The following TBC1D19 variants were observed in gnomAD, a reference collection of about 807,000 sequenced individuals.
TBC1D19 encodes TBC1 domain family, member 19.
In TBC1D19, 60 loss-of-function variants were observed where a neutral mutation model predicts 89.0. The ratio of observed to expected loss-of-function variants is 0.67; its 90% confidence interval spans 0.55 to 0.84. The LOEUF is 0.84. Ranked by LOEUF, TBC1D19 falls within the 40% of genes least tolerant of loss-of-function variation. TBC1D19 has a pLI of 0.00. For synonymous variants in TBC1D19, 189 were observed against 199.7 expected (o/e 0.95, Z 0.45); for missense variants, 500 against 610.8 (o/e 0.82, Z 1.91).
chr4:26,663,232 A>G (rs1745321572), intron 8 of TBC1D19, among the ~76,000 whole-genome samples: 2 of 152,222 alleles, frequency 1.3e-5, no homozygotes, highest in Non-Finnish European at 2.9e-5. Flanking sequence ...AACAGTGTGG[A>G]AAAAAGTATA....
chr4:26,667,296 A>G (rs1481201808), intron 9 of TBC1D19, among the ~76,000 whole-genome samples: 1 of 152,054 alleles, frequency 6.6e-6, no homozygotes, highest in Non-Finnish European at 1.5e-5. Context: ...ATTTTTACAA[A>G]TTGAATACAC....
intron 13 of TBC1D19, among the ~76,000 whole-genome samples, chr4:26,691,359 A>T (rs1714269048): frequency 6.6e-6 from 1 of 152,216 alleles, no homozygotes; most frequent in Non-Finnish European, 1.5e-5. Context: ...AAGCGAATTG[A>T]CTCCAATTTT....
rs1428222115 is a variant in TBC1D19, at chr4:26,628,403, G to GT, written c.294+7721dup. ...TTGTTTCCATGTGAACTTTAAAGTA[G>GT]TTTTTTCCAGTTCTGTGAAGAAAGT... On this transcript the variant is annotated intron_variant, in intron 4 of 20. Coordinates refer to ENST00000264866, the MANE Select transcript of TBC1D19 (RefSeq NM_018317.4). Among the ~76,000 whole-genome samples the GT allele has an allele frequency of 2.6e-5, 4 of 152,230 alleles. No individual in the cohort carries two copies. The South Asian group carries it at 6.2e-4, about 24-fold the overall frequency.
chr4:26,665,699 C>G (rs1254769561), intron 8 of TBC1D19, among the ~76,000 whole-genome samples: 1 of 151,936 alleles, frequency 6.6e-6, no homozygotes. Flanking sequence ...AGCACAAATA[C>G]AGGATCATAA....
At chr4:26,708,092 T>C (rs1715875997) in intron 13 of TBC1D19, among the ~76,000 whole-genome samples, 1 of 152,134 alleles carries the variant, frequency 6.6e-6, no homozygotes, top group Non-Finnish European at 1.5e-5. Context: ...AAGATCTTTC[T>C]TCACTCAGAG....
In TBC1D19 at chr4:26,666,221, C is replaced by G. The variant is rs1711796149; in HGVS notation, c.592-112C>G. The stretch of plus-strand genomic sequence containing the variant: ...TTTAGGTATTTGAATAAAGCAAAGC[C>G]TCATTTCACACTGTGATTTTTATTC... On this transcript the variant is annotated intron_variant, in intron 8 of 20. Transcript: ENST00000264866. 5.0e-6 allele frequency: 4 copies of G among 793,512 alleles called. No homozygotes were observed. In the East Asian group the frequency reaches 1.0e-4, roughly 20 times the overall value. The allele number at this position is 793,512 out of a possible 1,614,324, so 49.2% of individuals were successfully genotyped here.
chr4:26,592,511 T>A (rs191444100), intron 1 of TBC1D19, among the ~76,000 whole-genome samples: 2 of 150,128 alleles, frequency 1.3e-5, no homozygotes, highest in African/African-American at 5.1e-5. Context: ...GTTAAAGAAA[T>A]AAAGGGTATT....
intron 16 of TBC1D19, among the ~76,000 whole-genome samples, chr4:26,737,104 AT>A (rs1260472646): frequency 2.0e-5 from 3 of 152,200 alleles, no homozygotes; most frequent in African/African-American, 7.2e-5. Context: ...AGTGTTCAAC[AT>A]CAGATGGTCG....
chr4:26,697,540 C>G (rs989630855), intron 13 of TBC1D19, among the ~76,000 whole-genome samples: 2 of 152,134 alleles, frequency 1.3e-5, no homozygotes, highest in Non-Finnish European at 1.5e-5. Flanking sequence ...GATACCAAAG[C>G]CTGGCAGAGA....
chr4:26,742,671 A>G (rs1718438820), intron 18 of TBC1D19, 72 bp downstream of exon 18: 2 of 1,088,764 alleles, frequency 1.8e-6, no homozygotes, highest in Non-Finnish European at 1.3e-6. Flanking sequence ...ATTGCAGAGC[A>G]CTTGCAAATA....
chr4:26,609,111 T>A (rs1741198521), intron 1 of TBC1D19, among the ~76,000 whole-genome samples: 1 of 148,030 alleles, frequency 6.8e-6, no homozygotes, highest in Non-Finnish European at 1.5e-5. Flanking sequence ...TAATGCTAAA[T>A]GATGAGTTAA....
At chr4:26,770,398 G>A in the TBC1D19 span, among the ~76,000 whole-genome samples, 4 of 151,934 alleles carry the variant, frequency 2.6e-5, no homozygotes, top group Non-Finnish European at 5.9e-5. Flanking sequence ...CTAAATATAT[G>A]GAGCAAAACT....
At chr4:26,646,820 A>T (rs1036786795) in intron 7 of TBC1D19, among the ~76,000 whole-genome samples, 1 of 152,222 alleles carries the variant, frequency 6.6e-6, no homozygotes, top group Non-Finnish European at 1.5e-5. Flanking sequence ...TAGCATTAGG[A>T]GAAATACCTA....
At chr4:26,617,282 A>G (rs777124960) in intron 3 of TBC1D19, among the ~76,000 whole-genome samples, 12 of 152,250 alleles carry the variant, frequency 7.9e-5, no homozygotes, top group Non-Finnish European at 1.8e-4. Flanking sequence ...CACTTCTGAA[A>G]GATCCCACCT....
chr4:26,615,883 C>T (rs905736032), intron 3 of TBC1D19, among the ~76,000 whole-genome samples: 1 of 152,012 alleles, frequency 6.6e-6, no homozygotes, highest in African/African-American at 2.4e-5. Context: ...TGTATAATTC[C>T]AAACACTGGA....
chr4:26,764,894 AT>A, the TBC1D19 span, among the ~76,000 whole-genome samples: 1 of 152,200 alleles, frequency 6.6e-6, no homozygotes, highest in African/African-American at 2.4e-5. Context: ...TGCATTTGAA[AT>A]TTTGGAGATG....
intron 5 of TBC1D19, 64 bp downstream of exon 5, chr4:26,637,349 A>G: frequency 7.9e-7 from 1 of 1,271,024 alleles, no homozygotes; most frequent in Non-Finnish European, 1.1e-6. Flanking sequence ...AGTATCATGA[A>G]GTTATATAAC....
chr4:26,823,403 A>T, the TBC1D19 span, among the ~76,000 whole-genome samples: 1 of 152,132 alleles, frequency 6.6e-6, no homozygotes, highest in Non-Finnish European at 1.5e-5. Context: ...TTGGTCAGGG[A>T]TGGGTTTGTG....
intron 7 of TBC1D19, among the ~76,000 whole-genome samples, chr4:26,642,235 C>G (rs575985992): frequency 6.6e-6 from 1 of 152,272 alleles, no homozygotes; most frequent in African/African-American, 2.4e-5. Flanking sequence ...GATCTCTCAG[C>G]AAAAACCCTA....
Sources: gnomAD v4.1 joint callset for allele counts (sites outside exome capture counted in the v4.1 genomes callset) on GRCh38, gnomAD v4.1.1 for gene constraint, MANE v1.5 for transcripts, NCBI Gene and HGNC (gene_info 2026-07-23, HGNC 2026-07-21) for gene names.